Variants in CEP85L observed in about 807,000 individuals in gnomAD.
CEP85L encodes centrosomal protein 85L.
CEP85L carries 60 observed loss-of-function variants against 100.3 expected under a neutral mutation model. That is an observed-to-expected ratio of 0.60 (90% CI 0.49 to 0.74). The LOEUF (loss-of-function observed/expected upper bound fraction) is 0.74. Among genes scored for constraint, CEP85L ranks in the 30% least tolerant of loss-of-function variants. The pLI is 0.00. For synonymous variants in CEP85L, 319 were observed against 322.7 expected, an observed-to-expected ratio of 0.99 and a Z score of 0.12; for missense variants, 973 against 936.2, an observed-to-expected ratio of 1.04 and a Z score of -0.51.
chr6:118,607,083 G>A (rs554159549), intron 2 of CEP85L, among the ~76,000 whole-genome samples: 3 of 151,028 alleles, frequency 2.0e-5, no homozygotes, highest in East Asian at 1.9e-4. Context: ...TTTTTTTTTC[G>A]TTCTGGCCAG....
intron 10 of CEP85L, among the ~76,000 whole-genome samples, chr6:118,477,186 T>C (rs1205973309): frequency 6.6e-6 from 1 of 152,118 alleles, no homozygotes; most frequent in Non-Finnish European, 1.5e-5. Flanking sequence ...AAAAGGTCAA[T>C]GAGTAAACAA....
rs548791177 is a variant in CEP85L, at chr6:118,708,229, T to C, written c.-28+1807A>G. ...CTGCCCTTAAGTTACTCACAGCCTG[T>C]CTGGAGACAGATGAGTACACAAGCA... is the stretch of plus-strand genomic sequence containing the variant. On this transcript the variant is annotated intron_variant, in intron 1 of 13. Transcript: ENST00000368488. Among the ~76,000 whole-genome samples the C allele has an allele frequency of 9.2e-5, 14 of 152,346 alleles. No individual in the cohort carries two copies. In the South Asian group the frequency reaches 2.5e-3, roughly 27 times the overall value.
intron 2 of CEP85L, among the ~76,000 whole-genome samples, chr6:118,610,907 G>T (rs1285329401): frequency 6.6e-6 from 1 of 152,142 alleles, no homozygotes; most frequent in African/African-American, 2.4e-5. Context: ...CATCAGACTA[G>T]AAATGTGTAT....
chr6:118,565,472 G>A, intron 3 of CEP85L, 57 bp downstream of exon 3: 1 of 1,470,236 alleles, frequency 6.8e-7, no homozygotes, highest in East Asian at 2.3e-5. Context: ...CTGTAAGTGT[G>A]CTACTGTACT....
chr6:118,575,635 T>C (rs1003763846), intron 2 of CEP85L, among the ~76,000 whole-genome samples: 1 of 152,200 alleles, frequency 6.6e-6, no homozygotes, highest in South Asian at 2.1e-4. Context: ...AAGTGTGTAT[T>C]ACCAGATGGA....
upstream of CEP85L, among the ~76,000 whole-genome samples, chr6:118,655,616 GC>G (rs1199158213): frequency 6.6e-6 from 1 of 152,180 alleles, no homozygotes; most frequent in African/African-American, 2.4e-5. Context: ...AGCAGATCAT[GC>G]CTTCACACAC....
chr6:118,691,194 C>G (rs1352937367), intron 1 of CEP85L, among the ~76,000 whole-genome samples: 2 of 151,618 alleles, frequency 1.3e-5, no homozygotes, highest in Non-Finnish European at 2.9e-5. Flanking sequence ...GCAGGTGGAT[C>G]ACCTGAGATC....
intron 1 of CEP85L, among the ~76,000 whole-genome samples, chr6:118,637,380 GTA>G (rs1774561214): frequency 6.6e-6 from 1 of 151,966 alleles, no homozygotes; most frequent in South Asian, 2.1e-4. Context: ...GACACAAAAA[GTA>G]AGCAAACCAC....
rs1251735827 is a variant in CEP85L at position 118,461,584 on chromosome 6, A to G, written c.*3821T>C. ...TTATTAGACTTGCTGATTTAAAACT[A>G]TATTCTTATATTTAGCACTTTTTTA... On this transcript the variant is annotated 3_prime_UTR_variant, in exon 13 of 13. Transcript: ENST00000368491. 2 of 152,050 alleles carry G rather than the reference A, an allele frequency of 1.3e-5. No individual in the cohort carries two copies. Among genetic ancestry groups the G allele is most frequent in the East Asian group, 3.9e-4 (2 of 5,190 alleles). The allele number at this position is 152,050 out of a possible 1,614,324, so 9.4% of individuals were successfully genotyped here.
intron 1 of CEP85L, among the ~76,000 whole-genome samples, chr6:118,659,928 G>A (rs1047823967): frequency 1.3e-5 from 2 of 152,218 alleles, no homozygotes; most frequent in South Asian, 2.1e-4. Context: ...GCAATGCCAC[G>A]TTAGCTTCAG....
intron 1 of CEP85L, among the ~76,000 whole-genome samples, chr6:118,677,829 C>G (rs1359251904): frequency 6.6e-6 from 1 of 152,180 alleles, no homozygotes; most frequent in Non-Finnish European, 1.5e-5. Context: ...CAATATTGCC[C>G]ATAAATACAT....
rs1562164526 is a variant in CEP85L at position 118,465,344 on chromosome 6, G to GCA, written c.*60_*61insTG. 2.1e-5 allele frequency: 31 copies of GCA among 1,480,744 alleles called. No homozygotes were observed. The African/African-American group carries it at 3.5e-4, about 17-fold the overall frequency. 91.7% of individuals were successfully genotyped at this position (1,480,744 alleles called of 1,614,324 possible). A position where few individuals can be genotyped will look rare whatever the true frequency, so the allele number is the denominator to read the frequency against. ...CATGTCACTTGCAACCTTCCATTAT[G>GCA]GCTCCATAACACAGCAGCATTTAAA... On this transcript the variant is annotated 3_prime_UTR_variant, in exon 13 of 13. Coordinates refer to ENST00000368491, the MANE Select transcript of CEP85L (RefSeq NM_001042475.3).
chr6:118,653,579 A>G (rs750277565), upstream of CEP85L, among the ~76,000 whole-genome samples: 2 of 152,246 alleles, frequency 1.3e-5, no homozygotes, highest in Non-Finnish European at 2.9e-5. Context: ...CTATCTAACC[A>G]TTACTAAACC....
At chr6:118,612,302 T>C (rs901831978) in intron 2 of CEP85L, among the ~76,000 whole-genome samples, 11 of 151,442 alleles carry the variant, frequency 7.3e-5, no homozygotes, top group African/African-American at 2.7e-4. Flanking sequence ...ATATAAAATA[T>C]CAAAATTTGT....
intron 2 of CEP85L, among the ~76,000 whole-genome samples, chr6:118,603,492 T>C (rs1220093882): frequency 1.3e-5 from 2 of 152,218 alleles, no homozygotes; most frequent in Admixed American, 6.5e-5. Flanking sequence ...AAGTTAAGAA[T>C]ACTCGCAACT....
chr6:118,582,089 C>T (rs1323427806), intron 2 of CEP85L, among the ~76,000 whole-genome samples: 1 of 152,126 alleles, frequency 6.6e-6, no homozygotes, highest in Non-Finnish European at 1.5e-5. Flanking sequence ...TCCAGAGGAG[C>T]AATCTGAAAC....
intron 2 of CEP85L, among the ~76,000 whole-genome samples, chr6:118,613,866 G>C (rs1169343381): frequency 6.6e-6 from 1 of 150,782 alleles, no homozygotes; most frequent in Non-Finnish European, 1.5e-5. Context: ...AAATAAGAGA[G>C]AACATTTCCC....
At chr6:118,500,171 G>A (rs560122281) in intron 5 of CEP85L, among the ~76,000 whole-genome samples, 4 of 151,844 alleles carry the variant, frequency 2.6e-5, no homozygotes, top group Non-Finnish European at 5.9e-5. Flanking sequence ...GCCAGGCATG[G>A]TGACACACAC....
At chr6:118,509,432 GC>G (rs2114708193) in intron 5 of CEP85L, among the ~76,000 whole-genome samples, 1 of 152,102 alleles carries the variant, frequency 6.6e-6, no homozygotes, top group African/African-American at 2.4e-5. Context: ...TCATTATAAA[GC>G]CTTGCTATCA....
Sources: gnomAD v4.1 joint callset for allele counts (sites outside exome capture counted in the v4.1 genomes callset) on GRCh38, gnomAD v4.1.1 for gene constraint, MANE v1.5 for transcripts, NCBI Gene and HGNC (gene_info 2026-07-23, HGNC 2026-07-21) for gene names.